Variants in ANO2 observed in about 807,000 individuals in gnomAD.
ANO2 encodes anoctamin 2, also known as anoctamin-2.
In ANO2, 101 loss-of-function variants were observed where a neutral mutation model predicts 124.2. The ratio of observed to expected loss-of-function variants is 0.81; its 90% CI spans 0.69 to 0.96. The LOEUF is 0.96. ANO2 is among the 40% of genes least tolerant of loss of function. The pLI, the probability that ANO2 is intolerant of heterozygous loss-of-function variation, is 0.00. For synonymous variants in ANO2, 486 were observed against 482.5 expected, an observed-to-expected ratio of 1.01 and a Z score of -0.09; for missense variants, 1,293 against 1,274.5, an observed-to-expected ratio of 1.01 and a Z score of -0.22.
chr12:5,645,707 C>T (rs1358712056), intron 15 of ANO2, among the ~76,000 whole-genome samples: 1 of 152,126 alleles, frequency 6.6e-6, no homozygotes, highest in African/African-American at 2.4e-5. Context: ...GGTGCTTCAA[C>T]TTCTTGAGTA....
chr12:5,800,672 C>T (rs1591632955), intron 9 of ANO2, among the ~76,000 whole-genome samples: 2 of 152,106 alleles, frequency 1.3e-5, no homozygotes, highest in African/African-American at 2.4e-5. Context: ...ATGGTGATGC[C>T]TTTTACTGAA....
chr12:5,901,776 A>G (rs946513596), intron 3 of ANO2, among the ~76,000 whole-genome samples: 1 of 152,210 alleles, frequency 6.6e-6, no homozygotes, highest in African/African-American at 2.4e-5. Flanking sequence ...TCCTATTTGC[A>G]GATACACAGA....
chr12:5,727,860 G>T (rs1950503696), intron 14 of ANO2, among the ~76,000 whole-genome samples: 1 of 150,578 alleles, frequency 6.6e-6, no homozygotes, highest in Non-Finnish European at 1.5e-5. Flanking sequence ...AGGCTGGAGT[G>T]CAGTCGTGCA....
chr12:5,703,520 G>T (rs994337540), intron 14 of ANO2, among the ~76,000 whole-genome samples: 3 of 152,108 alleles, frequency 2.0e-5, no homozygotes, highest in African/African-American at 7.2e-5. Context: ...ATGGTTCCAT[G>T]GGTATTCATT....
chr12:5,819,108 T>C (rs1052151898), intron 7 of ANO2, among the ~76,000 whole-genome samples: 9 of 152,148 alleles, frequency 5.9e-5, no homozygotes, highest in African/African-American at 9.7e-5. Context: ...AGTCAGGGCA[T>C]TGATTGCAAA....
chr12:5,567,811 G>T (rs3782582), intron 23 of ANO2, among the ~76,000 whole-genome samples: 58,200 of 152,108 alleles, frequency 0.38, 11,973 homozygotes, highest in Non-Finnish European at 0.47. Flanking sequence ...TTGAGGATCT[G>T]CAGAAAGACT....
In ANO2 at chr12:5,635,539, A is replaced by G. The variant is rs1945968886; in HGVS notation, c.1621-192T>C. On this transcript the variant is annotated intron_variant, in intron 15 of 24. Coordinates refer to ENST00000682330, the MANE Select transcript of ANO2 (RefSeq NM_001364791.2). The surrounding 1 kb of genome is among the most constrained non-coding windows in gnomAD (Gnocchi z 5.2). ...TAACAAATTTTTAGGCAGAGTTCTG[A>G]GTGGAGGTGCATTTTCCAGGGGAGA... 6.6e-6 allele frequency among the ~76,000 whole-genome samples: 1 copy of G among 151,358 alleles called. No individual in the cohort carries two copies. Among genetic ancestry groups the G allele is most frequent in the Admixed American group, 6.6e-5 (1 of 15,194 alleles).
chr12:5,576,056 T>C (rs1942388181), intron 22 of ANO2, 41 bp from the exon 23 acceptor site: 2 of 1,541,548 alleles, frequency 1.3e-6, no homozygotes, highest in Non-Finnish European at 1.8e-6. Flanking sequence ...CCAGGATTGA[T>C]GCTAAAAAGG....
intron 4 of ANO2, among the ~76,000 whole-genome samples, chr12:5,853,549 C>T (rs555644406): frequency 2.0e-4 from 31 of 152,164 alleles, no homozygotes; most frequent in Non-Finnish European, 3.4e-4. Context: ...GATTAAGAAC[C>T]TTCTGATTTA....
At chr12:5,872,733 T>C (rs1448904989) in intron 3 of ANO2, among the ~76,000 whole-genome samples, 1 of 152,250 alleles carries the variant, frequency 6.6e-6, no homozygotes, top group African/African-American at 2.4e-5. Context: ...TAGTCCTTTT[T>C]CTAGGAAAAA....
At chr12:5,642,859 G>A (rs961948078) in intron 15 of ANO2, among the ~76,000 whole-genome samples, 2 of 152,242 alleles carry the variant, frequency 1.3e-5, no homozygotes, top group South Asian at 2.1e-4. Context: ...CCTGATGCCA[G>A]GCATTGCTCC....
intron 14 of ANO2, among the ~76,000 whole-genome samples, chr12:5,709,636 C>T (rs1261874588): frequency 1.3e-5 from 2 of 152,222 alleles, no homozygotes; most frequent in East Asian, 3.8e-4. Context: ...CTTAGGCTTC[C>T]CCAGCTCTTT....
intron 20 of ANO2, among the ~76,000 whole-genome samples, chr12:5,599,241 C>A (rs1313024824): frequency 6.6e-6 from 1 of 152,198 alleles, no homozygotes; most frequent in Non-Finnish European, 1.5e-5. Context: ...AAGAGAACAT[C>A]ATCCTAGAAT....
chr12:5,779,139 C>T (rs571566112), intron 10 of ANO2, among the ~76,000 whole-genome samples: 3 of 152,206 alleles, frequency 2.0e-5, no homozygotes, highest in Non-Finnish European at 4.4e-5. Context: ...AAATGTGAAA[C>T]CTGATTGGTT....
intron 4 of ANO2, among the ~76,000 whole-genome samples, chr12:5,850,507 G>A (rs982705233): frequency 6.6e-6 from 1 of 152,084 alleles, no homozygotes. Context: ...TCGAGTCTGG[G>A]ACCAAGAAAC....
At chr12:5,812,799 AAAGGAAAAAAGG>A (rs1219541734) in intron 7 of ANO2, among the ~76,000 whole-genome samples, 19 of 140,700 alleles carry the variant, frequency 1.4e-4, no homozygotes, top group African/African-American at 5.0e-4. Context: ...AGAAAGAAAG[AAAGGAAAAAAGG>A]AAGGAAGGAA....
chr12:5,732,382 T>C, intron 14 of ANO2, 138 bp downstream of exon 14: 1 of 640,668 alleles, frequency 1.6e-6, no homozygotes, highest in Non-Finnish European at 2.7e-6. Flanking sequence ...CAATGCGAGA[T>C]GTCATGCTCT....
intron 16 of ANO2, among the ~76,000 whole-genome samples, chr12:5,623,176 G>A (rs77162141): frequency 0.027 from 4,053 of 152,106 alleles, 189 homozygotes; most frequent in African/African-American, 0.091. Context: ...CCAGCCTTGT[G>A]CTTTGAACAA....
intron 16 of ANO2, among the ~76,000 whole-genome samples, chr12:5,627,515 G>A (rs572653526): frequency 1.1e-3 from 162 of 152,304 alleles, no homozygotes; most frequent in African/African-American, 3.5e-3. Context: ...ATCAGGCTCC[G>A]CTGCAGAGAG....
Sources: gnomAD v4.1 joint callset for allele counts (sites outside exome capture counted in the v4.1 genomes callset) on GRCh38, gnomAD v4.1.1 for gene constraint, Gnocchi (gnomAD v3.1) non-coding constraint, MANE v1.5 for transcripts, NCBI Gene and HGNC (gene_info 2026-07-23, HGNC 2026-07-21) for gene names.